PKD1L1: variants seen among roughly 807,000 people sequenced by gnomAD.
The protein encoded by PKD1L1 is polycystin-1-like protein 1.
A neutral mutation model predicts 323.4 loss-of-function variants in PKD1L1; 236 were observed. The ratio of observed to expected loss-of-function variants is 0.73; its 90% CI spans 0.66 to 0.81. PKD1L1 has a LOEUF of 0.81. PKD1L1 is among the 40% of genes least tolerant of loss of function. PKD1L1 has a pLI of 0.00. For missense variants in PKD1L1, 3,320 were observed against 3,508.0 expected (o/e 0.95, Z 1.35); for synonymous variants, 1,344 against 1,335.0 (o/e 1.01, Z -0.15).
At chr7:47,796,292 G>GA (rs1333306362) in intron 54 of PKD1L1, 142 bp from the exon 55 acceptor site, 55 of 797,554 alleles carry the variant, frequency 6.9e-5, no homozygotes, top group Admixed American at 2.4e-4. Context: ...ATTTCTTGGT[G>GA]AAAAAAAGCA....
chr7:47,928,283 G>A (rs115138989), intron 7 of PKD1L1, among the ~76,000 whole-genome samples: 108 of 151,502 alleles, frequency 7.1e-4, no homozygotes, highest in Middle Eastern at 3.4e-3. Flanking sequence ...ACAAAAGGCC[G>A]GGGGGGAAGG....
chr7:47,957,524 T>G, the PKD1L1 span, among the ~76,000 whole-genome samples: 1 of 152,172 alleles, frequency 6.6e-6, no homozygotes, highest in Non-Finnish European at 1.5e-5. Context: ...ATTTCTTTTT[T>G]TTGAGACAAG....
At chr7:47,853,780 A>C (rs941790690) in intron 30 of PKD1L1, among the ~76,000 whole-genome samples, 5 of 151,732 alleles carry the variant, frequency 3.3e-5, no homozygotes, top group African/African-American at 4.8e-5. Flanking sequence ...AAAAAAAAAA[A>C]AAAACACCAA....
chr7:47,855,255 A>G lies in PKD1L1; in HGVS notation c.4601T>C (p.Val1534Ala). The G allele has an allele frequency of 6.2e-7, 1 of 1,612,188 alleles. No homozygotes were observed. Among genetic ancestry groups the G allele is most frequent in the Non-Finnish European group, 8.5e-7 (1 of 1,178,758 alleles). The change falls in exon 29 of 57, where the codon GTT becomes GCT. Residue 1534 changes from valine (V) to alanine (A), a missense_variant. Val to Ala is a moderately conservative substitution (Grantham distance 64, BLOSUM62 0). Transcript: ENST00000289672. ...GSQAPGQIGG[V>A]VGLNLYTCSS... ...GCAGGTATAGAGGTTGAGGCCCACA[A>G]CTCCACCAATCTTGGGGAACAAAGA...
Position 47,782,327 on chromosome 7 carries a change from T to TA in PKD1L1, c.8527-7162_8527-7161insT, listed in dbSNP as rs1562927793. ...CCTGGCAACAGGACAAGGATGTTGG[T>TA]CAAAAAAAAACCACAGTAACTTATG... On this transcript the variant is annotated intron_variant, in intron 56 of 56. Coordinates refer to ENST00000289672, the MANE Select transcript of PKD1L1 (RefSeq NM_138295.5). Among the ~76,000 whole-genome samples, 173 of 151,210 alleles carry TA rather than the reference T, an allele frequency of 1.1e-3. 2 individuals are homozygous for TA. The highest frequency in any genetic ancestry group is 3.4e-3 in the African/African-American group (141 of 41,196).
intron 9 of PKD1L1, among the ~76,000 whole-genome samples, chr7:47,906,497 CAT>C (rs772420763): frequency 1.3e-5 from 2 of 152,116 alleles, no homozygotes; most frequent in Non-Finnish European, 2.9e-5. Context: ...CATGTACACA[CAT>C]ATCACACATA....
chr7:47,949,544 CCTT>C (rs1281821242), upstream of PKD1L1, among the ~76,000 whole-genome samples: 2 of 152,104 alleles, frequency 1.3e-5, no homozygotes, highest in African/African-American at 4.8e-5. Context: ...CTGCACCTCT[CCTT>C]GTTTGCAACT....
intron 34 of PKD1L1, among the ~76,000 whole-genome samples, chr7:47,841,468 T>A (rs1353500311): frequency 6.6e-6 from 1 of 152,216 alleles, no homozygotes; most frequent in East Asian, 1.9e-4. Context: ...TCTCTTGTAT[T>A]CTTTTCTACC....
intron 7 of PKD1L1, among the ~76,000 whole-genome samples, chr7:47,921,363 T>C (rs1021852501): frequency 1.3e-5 from 2 of 151,046 alleles, no homozygotes; most frequent in Non-Finnish European, 2.9e-5. Context: ...CCTGCAACAA[T>C]GGCTATAATC....
At chr7:47,927,348 A>G (rs1376873953) in intron 7 of PKD1L1, among the ~76,000 whole-genome samples, 1 of 151,886 alleles carries the variant, frequency 6.6e-6, no homozygotes, top group African/African-American at 2.4e-5. Context: ...GTGCGATCTC[A>G]GCTTACTGCA....
chr7:47,943,879 C>T (rs1378002554), intron 1 of PKD1L1, among the ~76,000 whole-genome samples: 1 of 152,158 alleles, frequency 6.6e-6, no homozygotes, highest in Non-Finnish European at 1.5e-5. Context: ...CTCTTCCTGC[C>T]TCATCATCCC....
chr7:47,954,899 G>C, the PKD1L1 span, among the ~76,000 whole-genome samples: 3 of 152,234 alleles, frequency 2.0e-5, no homozygotes, highest in African/African-American at 7.2e-5. Context: ...AGCTACATAT[G>C]CTGGTTATGG....
At chr7:47,826,026 C>T (rs934595201) in intron 45 of PKD1L1, among the ~76,000 whole-genome samples, 1 of 152,102 alleles carries the variant, frequency 6.6e-6, no homozygotes, top group African/African-American at 2.4e-5. Flanking sequence ...GTTCTGAGGG[C>T]TGAGCTGGCC....
chr7:47,870,468 G>C (rs2128744638), intron 24 of PKD1L1, among the ~76,000 whole-genome samples: 1 of 152,014 alleles, frequency 6.6e-6, no homozygotes, highest in South Asian at 2.1e-4. Flanking sequence ...GATTATAGGA[G>C]AACACCATAC....
At position 47,824,400 on chromosome 7, in the gene PKD1L1, T is replaced by A. The variant is rs528705921; in HGVS notation, c.6854+2950A>T. 3.3e-5 allele frequency among the ~76,000 whole-genome samples: 5 copies of A among 152,298 alleles called. 1 individual carries two copies. In the East Asian group the frequency reaches 9.6e-4, roughly 29 times the overall value. Reference sequence around the variant, plus strand: ...TGACAGAATTAGAAAATAACAGAATTCTTCATTTCCTTTACCCCACAATAA... The same window carrying A: ...TGACAGAATTAGAAAATAACAGAATACTTCATTTCCTTTACCCCACAATAA... On this transcript the variant is annotated intron_variant, in intron 45 of 56. Transcript: ENST00000289672.
At chr7:47,806,227 A>C (rs188176574) in intron 52 of PKD1L1, among the ~76,000 whole-genome samples, 4 of 152,188 alleles carry the variant, frequency 2.6e-5, no homozygotes, top group East Asian at 1.9e-4. Flanking sequence ...GCATCAGGTG[A>C]AAAGAACATC....
chr7:47,890,479 T>G (rs1002552810), intron 16 of PKD1L1, 63 bp downstream of exon 16: 8 of 1,522,924 alleles, frequency 5.3e-6, no homozygotes, highest in Non-Finnish European at 5.4e-6. Flanking sequence ...CTTTCACGGA[T>G]GCTAGCACCA....
chr7:47,835,692 C>T (rs941195143), intron 37 of PKD1L1, among the ~76,000 whole-genome samples: 1 of 152,062 alleles, frequency 6.6e-6, no homozygotes. Context: ...TGAGCTACTG[C>T]GCCTGGCCAC....
At chr7:47,830,171 G>A (rs756400527) in intron 42 of PKD1L1, 47 bp from the exon 43 acceptor site, 3 of 1,511,222 alleles carry the variant, frequency 2.0e-6, no homozygotes, top group South Asian at 1.1e-5. Flanking sequence ...AAGGGAGCAG[G>A]CCACCCAGCA....
Sources: allele counts gnomAD v4.1 joint callset (sites outside exome capture counted in the v4.1 genomes callset), GRCh38; gene constraint gnomAD v4.1.1; transcripts MANE v1.5; gene names NCBI Gene and HGNC (gene_info 2026-07-23, HGNC 2026-07-21).